PPM1B: variants seen among roughly 807,000 people sequenced by gnomAD.
The protein encoded by PPM1B is protein phosphatase 1B.
In PPM1B, 22 loss-of-function variants were observed where a neutral mutation model predicts 43.0. The ratio of observed to expected loss-of-function variants is 0.51; its 90% confidence interval spans 0.37 to 0.73. The LOEUF (loss-of-function observed/expected upper bound fraction) is 0.73, where lower values mean the gene tolerates loss of function less well. Ranked by LOEUF, PPM1B falls within the 30% of genes least tolerant of loss-of-function variation. The probability of loss-of-function intolerance (pLI) is 0.00; values close to 1 mark genes in which losing one functional copy is unlikely to be tolerated. For synonymous variants in PPM1B, 217 were observed against 197.9 expected (o/e 1.10, Z -0.81); for missense variants, 632 against 584.2 (o/e 1.08, Z -0.84).
chr2:44,190,889 C>G (rs910803146), intron 1 of PPM1B, among the ~76,000 whole-genome samples: 6 of 152,186 alleles, frequency 3.9e-5, no homozygotes, highest in Non-Finnish European at 7.3e-5. Context: ...TAAGATTTTA[C>G]TGAGACATGA....
chr2:44,212,490 G>C (rs550407657), intron 3 of PPM1B, among the ~76,000 whole-genome samples: 1 of 152,216 alleles, frequency 6.6e-6, no homozygotes, highest in Admixed American at 6.5e-5. Flanking sequence ...TGAAAGATTT[G>C]TTTTGCTTAG....
chr2:44,179,043 G>A (rs1396681522), intron 1 of PPM1B, among the ~76,000 whole-genome samples: 1 of 152,138 alleles, frequency 6.6e-6, no homozygotes, highest in South Asian at 2.1e-4. Context: ...GGGACCCCAT[G>A]GGAGGTAATT....
intron 2 of PPM1B, among the ~76,000 whole-genome samples, chr2:44,202,247 T>C (rs1245386888): frequency 6.6e-6 from 1 of 152,240 alleles, no homozygotes; most frequent in Non-Finnish European, 1.5e-5. Flanking sequence ...TTAAGCTTGA[T>C]AAATTTGAGG....
intron 1 of PPM1B, among the ~76,000 whole-genome samples, chr2:44,175,631 G>A (rs1667547332): frequency 6.6e-6 from 1 of 152,164 alleles, no homozygotes; most frequent in South Asian, 2.1e-4. Flanking sequence ...TTTGGGGTGT[G>A]TGTGTTTTGT....
intron 1 of PPM1B, among the ~76,000 whole-genome samples, chr2:44,178,100 T>G (rs1479567069): frequency 4.0e-5 from 6 of 151,564 alleles, no homozygotes; most frequent in African/African-American, 1.5e-4. Context: ...GTGTTTTTTT[T>G]GTAGAGATGA....
At chr2:44,222,402 A>G (rs1670015858) in intron 5 of PPM1B, among the ~76,000 whole-genome samples, 1 of 152,252 alleles carries the variant, frequency 6.6e-6, no homozygotes. Context: ...AGAGTTTTAT[A>G]CTTTCATGCA....
chr2:44,200,835 T>C (rs976234717), intron 1 of PPM1B, among the ~76,000 whole-genome samples: 7 of 152,236 alleles, frequency 4.6e-5, no homozygotes, highest in Non-Finnish European at 1.0e-4. Flanking sequence ...TAAATCAGAA[T>C]GAAATTATTA....
At chr2:44,232,196 C>A (rs1670487827), downstream of PPM1B, 1 of 1,402,746 alleles carries the variant, frequency 7.1e-7, no homozygotes. Context: ...TGTAAAAGTA[C>A]CCTTTTCAGA....
intron 1 of PPM1B, among the ~76,000 whole-genome samples, chr2:44,179,685 G>T (rs1359880711): frequency 1.3e-5 from 2 of 152,116 alleles, no homozygotes; most frequent in Non-Finnish European, 2.9e-5. Flanking sequence ...TTAGATGTTA[G>T]TGTGTCTATA....
At position 44,209,144 on chromosome 2, in the gene PPM1B, T is replaced by G. The variant is rs550836970; in HGVS notation, c.847-66T>G. The G allele has an allele frequency of 4.5e-6, 6 of 1,337,362 alleles. No individual in the cohort carries two copies. In the East Asian group the frequency reaches 1.5e-4, roughly 33 times the overall value. The allele number at this position is 1,337,362 out of a possible 1,614,324, so 82.8% of individuals were successfully genotyped here. A position where few individuals can be genotyped will look rare whatever the true frequency, so the allele number is the denominator to read the frequency against. On this transcript the variant is annotated intron_variant, in intron 2 of 5. Coordinates refer to ENST00000282412, the MANE Select transcript of PPM1B (RefSeq NM_002706.6). ...AAATAAACTATAATTGCTTAAAGTA[T>G]TTTGAAGTAAATAATAGTTGATTGT...
At chr2:44,208,474 A>G (rs1282366156) in intron 2 of PPM1B, among the ~76,000 whole-genome samples, 1 of 151,916 alleles carries the variant, frequency 6.6e-6, no homozygotes. Flanking sequence ...GCACTTTGGG[A>G]GGCTGAGGTG....
intron 3 of PPM1B, 72 bp from the exon 4 acceptor site, chr2:44,217,895 T>C (rs1437421054): frequency 8.2e-6 from 7 of 854,386 alleles, no homozygotes; most frequent in Non-Finnish European, 1.2e-5. Flanking sequence ...CCAAATAGTA[T>C]CTCTTGTTTC....
intron 1 of PPM1B, among the ~76,000 whole-genome samples, chr2:44,190,718 G>T (rs541959057): frequency 6.6e-6 from 1 of 152,242 alleles, no homozygotes; most frequent in South Asian, 2.1e-4. Context: ...AACAGTTTCT[G>T]TTCTACATAT....
At chr2:44,195,609 C>G (rs761467524) in intron 1 of PPM1B, among the ~76,000 whole-genome samples, 4 of 152,126 alleles carry the variant, frequency 2.6e-5, no homozygotes, top group Admixed American at 6.5e-5. Context: ...GCCAGGAGTT[C>G]AAGGCTGCAG....
At chr2:44,212,564 GTTTATC>G (rs1453495050) in intron 3 of PPM1B, among the ~76,000 whole-genome samples, 4 of 152,152 alleles carry the variant, frequency 2.6e-5, no homozygotes, top group South Asian at 2.1e-4. Context: ...AAGCTAGTCT[GTTTATC>G]TTTAACATAA....
chr2:44,218,280 A>C (rs1301491922), intron 4 of PPM1B, among the ~76,000 whole-genome samples, 200 bp from the exon 5 acceptor site: 2 of 152,218 alleles, frequency 1.3e-5, no homozygotes, highest in Non-Finnish European at 2.9e-5. Context: ...TTGAGTATGA[A>C]GGTCCTTCTT....
chr2:44,240,724 A>C (rs1670725486), intron 5 of PPM1B, among the ~76,000 whole-genome samples: 1 of 145,942 alleles, frequency 6.9e-6, no homozygotes, highest in Non-Finnish European at 1.5e-5. Flanking sequence ...CCAAGAAGGA[A>C]TAACTCCTTA....
At chr2:44,239,405 A>G (rs966744230), downstream of PPM1B, among the ~76,000 whole-genome samples, 7 of 151,994 alleles carry the variant, frequency 4.6e-5, no homozygotes, top group South Asian at 2.1e-4. Context: ...ATCCTTTGTT[A>G]TGCGAGCTGC....
chr2:44,210,459 G>A (rs1430779169), intron 3 of PPM1B, among the ~76,000 whole-genome samples: 1 of 151,992 alleles, frequency 6.6e-6, no homozygotes, highest in Non-Finnish European at 1.5e-5. Flanking sequence ...GACTCAAGCA[G>A]TCCTCCCACA....
Sources: allele counts gnomAD v4.1 joint callset (sites outside exome capture counted in the v4.1 genomes callset), GRCh38; gene constraint gnomAD v4.1.1; transcripts MANE v1.5; gene names NCBI Gene and HGNC (gene_info 2026-07-23, HGNC 2026-07-21).